The following VSIG8 variants were observed in gnomAD, a reference collection of about 807,000 sequenced individuals.
The protein encoded by VSIG8 is V-set and immunoglobulin domain containing 8.
In VSIG8, 32 loss-of-function variants were observed where a neutral mutation model predicts 42.6. That is an observed-to-expected ratio of 0.75 (90% CI 0.57 to 1.01). The LOEUF is 1.01. Ranked by LOEUF, VSIG8 falls within the 50% of genes least tolerant of loss-of-function variation. VSIG8 has a pLI of 0.00. For synonymous variants in VSIG8, 290 were observed against 243.8 expected, an observed-to-expected ratio of 1.19 and a Z score of -1.77; for missense variants, 529 against 558.0, an observed-to-expected ratio of 0.95 and a Z score of 0.52.
rs771347923 is a variant in VSIG8, at chr1:159,862,563, C to T, written c.-42G>A. 4.4e-5 allele frequency: 66 copies of T among 1,509,404 alleles called. No homozygotes were observed. The highest frequency in any genetic ancestry group is 1.8e-4 in the Middle Eastern group (1 of 5,648). The allele number at this position is 1,509,404 out of a possible 1,614,324, so 93.5% of individuals were successfully genotyped here. ...TTTCCTCCGTCTGGGCTGGGTATCC[C>T]GTGGGGTCGTAGTGGTGGGTGTGAG... is the stretch of plus-strand genomic sequence containing the variant. On this transcript the variant is annotated 5_prime_UTR_variant, in exon 1 of 7. Transcript: ENST00000368100.
At position 159,854,960 on chromosome 1, in the gene VSIG8, C is replaced by T. The variant is rs1304664801; in HGVS notation, c.1038G>A (p.Gly346=). Residue 346 remains glycine (G), a synonymous_variant, in exon 7 of 7, where the codon GGG becomes GGA. Coordinates refer to ENST00000368100, the MANE Select transcript of VSIG8 (RefSeq NM_001013661.1). ...GRGSRVTHLL[G]YPTQNVSRSL... ...AGCGGCTGACGTTCTGCGTCGGGTACCCCAGGAGGTGGGTGACGCGGCTGC... is the reference window on the plus strand; with the variant it reads ...AGCGGCTGACGTTCTGCGTCGGGTATCCCAGGAGGTGGGTGACGCGGCTGC... 1.3e-6 allele frequency: 2 copies of T among 1,545,478 alleles called. No homozygotes were observed. Among genetic ancestry groups the T allele is most frequent in the Non-Finnish European group, 1.7e-6 (2 of 1,153,006 alleles).
chr1:159,859,673 T>C (rs1571169298), intron 1 of VSIG8, among the ~76,000 whole-genome samples: 2 of 152,190 alleles, frequency 1.3e-5, no homozygotes, highest in Non-Finnish European at 2.9e-5. Context: ...TAGTGAGTGA[T>C]GGTGTGTGCC....
At position 159,862,527 on chromosome 1, in the gene VSIG8, T is replaced by C. The variant is rs1571171280; in HGVS notation, c.-6A>G. 10 of 1,612,678 alleles carry C rather than the reference T, an allele frequency of 6.2e-6. 1 individual carries two copies. The highest frequency in any genetic ancestry group is 3.3e-5 in the Admixed American group (2 of 59,910). Reference sequence around the variant, plus strand: ...AATGCTCCTCCAACTCTCATGTCTCTAGGCTCGGTGTTTCCTCCGTCTGGG... The same window carrying C: ...AATGCTCCTCCAACTCTCATGTCTCCAGGCTCGGTGTTTCCTCCGTCTGGG... On this transcript the variant is annotated 5_prime_UTR_variant, in exon 1 of 7. Coordinates refer to ENST00000368100, the MANE Select transcript of VSIG8 (RefSeq NM_001013661.1).
chr1:159,858,857 T>A lies in VSIG8; in HGVS notation c.105A>T (p.Ala35=), dbSNP rs1648930252. ...NGDGQEVLYL[A]EGDNVRLGCP... ...AGCCCAGCCTCACATTATCACCTTCTGCCAGGTACAGGACCTCCTGTCCAT... is the reference window on the plus strand; with the variant it reads ...AGCCCAGCCTCACATTATCACCTTCAGCCAGGTACAGGACCTCCTGTCCAT... Residue 35 remains alanine (A), a synonymous_variant, in exon 2 of 7, where the codon GCA becomes GCT. Transcript: ENST00000368100. The A allele has an allele frequency of 8.1e-6, 13 of 1,613,998 alleles. No individual in the cohort carries two copies. The highest frequency in any genetic ancestry group is 9.3e-6 in the Non-Finnish European group (11 of 1,179,990).
Position 159,857,744 on chromosome 1 carries a change from C to G in VSIG8, c.652+1G>C. 1 of 1,613,944 alleles carries G rather than the reference C, an allele frequency of 6.2e-7. No individual in the cohort carries two copies. Among genetic ancestry groups the G allele is most frequent in the Non-Finnish European group, 8.5e-7 (1 of 1,179,876 alleles). Reference sequence around the variant, plus strand: ...ACTGCCCTCATCCAGGGCCCTCTCACCTTGGTTTATGGAGCTGTGGAAGGA... The same window carrying G: ...ACTGCCCTCATCCAGGGCCCTCTCAGCTTGGTTTATGGAGCTGTGGAAGGA... On this transcript the variant is annotated splice_donor_variant, in intron 4 of 6. Transcript: ENST00000368100. LOFTEE classifies it high-confidence loss of function.
rs2101825170 is a variant in VSIG8 at position 159,854,434 on chromosome 1, G to T, written c.*319C>A. The T allele has an allele frequency of 5.3e-5, 15 of 283,846 alleles. No individual in the cohort carries two copies. The highest frequency in any genetic ancestry group is 8.1e-5 in the East Asian group (1 of 12,284). 17.6% of individuals were successfully genotyped at this position (283,846 alleles called of 1,614,324 possible). On this transcript the variant is annotated 3_prime_UTR_variant, in exon 7 of 7. Coordinates refer to ENST00000368100, the MANE Select transcript of VSIG8 (RefSeq NM_001013661.1). Reference sequence around the variant, plus strand: ...CCCGGCCCCCGGGGCCCTCTGCTTAGGCTGGGGACACCAGGCCTCCGGCCT... The same window carrying T: ...CCCGGCCCCCGGGGCCCTCTGCTTATGCTGGGGACACCAGGCCTCCGGCCT...
Position 159,854,828 on chromosome 1 carries a change from G to A in VSIG8, c.1170C>T (p.Tyr390=). 6.7e-7 allele frequency: 1 copy of A among 1,497,160 alleles called. No individual in the cohort carries two copies. Among genetic ancestry groups the A allele is most frequent in the East Asian group, 2.8e-5 (1 of 35,710 alleles). The allele number at this position is 1,497,160 out of a possible 1,614,324, so 92.7% of individuals were successfully genotyped here. A position where few individuals can be genotyped will look rare whatever the true frequency, so the allele number is the denominator to read the frequency against. The change falls in exon 7 of 7, where the codon TAC becomes TAT. Residue 390 remains tyrosine (Y), a synonymous_variant. Coordinates refer to ENST00000368100, the MANE Select transcript of VSIG8 (RefSeq NM_001013661.1). The part of the protein sequence containing the change: ...AACEAGPSPV[Y]VKVKSAEPAD... The stretch of plus-strand genomic sequence containing the variant: ...CCGGCTCCGCGCTCTTGACCTTGAC[G>A]TAGACCGGGGAGGGGCCCGCTTCGC...
intron 1 of VSIG8, among the ~76,000 whole-genome samples, chr1:159,859,793 T>C (rs536034974): frequency 6.6e-6 from 1 of 152,238 alleles, no homozygotes; most frequent in East Asian, 1.9e-4. Context: ...CGCATGCAGC[T>C]GCCCCCACAA....
intron 6 of VSIG8, chr1:159,855,364 A>AGCTAATCCT: frequency 2.8e-6 from 4 of 1,451,122 alleles, no homozygotes; most frequent in Non-Finnish European, 2.7e-6. Context: ...TTCTTTCCTT[A>AGCTAATCCT]GCTAATCCTG....
intron 2 of VSIG8, 136 bp downstream of exon 2, chr1:159,858,598 C>T: frequency 1.0e-6 from 1 of 968,012 alleles, no homozygotes; most frequent in Non-Finnish European, 1.5e-6. Context: ...TTGCAGAGCT[C>T]TCATCCCCAT....
chr1:159,854,932 G>C lies in VSIG8; in HGVS notation c.1066C>G (p.Leu356Val), dbSNP rs1181955260. The C allele has an allele frequency of 6.6e-7, 1 of 1,513,010 alleles. No homozygotes were observed. Among genetic ancestry groups the C allele is most frequent in the South Asian group, 1.2e-5 (1 of 81,348 alleles). 93.7% of individuals were successfully genotyped at this position (1,513,010 alleles called of 1,614,324 possible). A position where few individuals can be genotyped will look rare whatever the true frequency, so the allele number is the denominator to read the frequency against. Residue 356 changes from leucine to valine, a missense_variant, in exon 7 of 7, where the codon CTG (leucine) becomes GTG (valine). Transcript: ENST00000368100. Reference sequence around the variant, plus strand: ...GGGGGAGGCGCGTACTTGCGGCGCAGGGAGCGGCTGACGTTCTGCGTCGGG... The same window carrying C: ...GGGGGAGGCGCGTACTTGCGGCGCACGGAGCGGCTGACGTTCTGCGTCGGG... ...GYPTQNVSRS[L>V]RRKYAPPPCG...
intron 4 of VSIG8, 142 bp from the exon 5 acceptor site, chr1:159,856,785 A>ACG: frequency 9.4e-7 from 1 of 1,062,936 alleles, no homozygotes; most frequent in Admixed American, 2.8e-5. Flanking sequence ...ACACACACAC[A>ACG]CACACTCCAC....
chr1:159,860,454 C>T (rs142661379), intron 1 of VSIG8, among the ~76,000 whole-genome samples: 2 of 152,322 alleles, frequency 1.3e-5, no homozygotes, highest in East Asian at 1.9e-4. Flanking sequence ...GCCAGGAAGG[C>T]TTAGCCTGGC....
rs1438367639 is a variant in VSIG8 at position 159,856,634 on chromosome 1, T to C, written c.662A>G (p.Asn221Ser). ...FHSSINQGLN[N>S]GDLVLKDISR... ...GATATCCTTCAACACCAGGTCCCCATTGTTCAGGCCTGAAAGTGAAGTGGA... is the reference window on the plus strand; with the variant it reads ...GATATCCTTCAACACCAGGTCCCCACTGTTCAGGCCTGAAAGTGAAGTGGA... Residue 221 changes from asparagine to serine, a missense_variant, in exon 5 of 7, where the codon AAT becomes AGT. By Grantham distance (46) the Asn-to-Ser change is conservative. Coordinates refer to ENST00000368100, the MANE Select transcript of VSIG8 (RefSeq NM_001013661.1). The C allele has an allele frequency of 2.5e-6, 4 of 1,613,906 alleles. No individual in the cohort carries two copies. Among genetic ancestry groups the C allele is most frequent in the Non-Finnish European group, 3.4e-6 (4 of 1,179,958 alleles).
At chr1:159,859,695 C>T (rs1250194138) in intron 1 of VSIG8, among the ~76,000 whole-genome samples, 1 of 152,164 alleles carries the variant, frequency 6.6e-6, no homozygotes. Flanking sequence ...GGGACTATGG[C>T]CACAGGTATC....
chr1:159,855,788 TG>T, intron 6 of VSIG8, 94 bp downstream of exon 6: 4 of 1,329,592 alleles, frequency 3.0e-6, no homozygotes, highest in East Asian at 2.8e-5. Flanking sequence ...AGGGTTGGGG[TG>T]GGGGGCCCAG....
Position 159,855,896 on chromosome 1 carries a change from C to A in VSIG8, c.958G>T (p.Ala320Ser), listed in dbSNP as rs749664352. ...GVGGGACGDL[A>S]SEIREDAVAP... ...ATCAGGTTTTACCTGATCTCACTAGCCAAGTCGCCGCAGGCCCCTCCGCCG... is the reference window on the plus strand; with the variant it reads ...ATCAGGTTTTACCTGATCTCACTAGACAAGTCGCCGCAGGCCCCTCCGCCG... The change falls in exon 6 of 7, where the codon GCT becomes TCT. Residue 320 changes from alanine (A) to serine (S), a missense_variant. By Grantham distance (99) the Ala-to-Ser change is moderately conservative. Transcript: ENST00000368100. 2 of 1,554,220 alleles carry A rather than the reference C, an allele frequency of 1.3e-6. No homozygotes were observed. Among genetic ancestry groups the A allele is most frequent in the Non-Finnish European group, 1.7e-6 (2 of 1,154,820 alleles).
rs896611348 is a variant in VSIG8, at chr1:159,862,386, C to T, written c.49+87G>A. On this transcript the variant is annotated intron_variant, in intron 1 of 6. Transcript: ENST00000368100. ...GCACCCTGCCAGGCAACTCAGGCAG[C>T]CCCAGGCTCCACTGTGAGCCCTTGC... 6.2e-6 allele frequency: 9 copies of T among 1,447,274 alleles called. No homozygotes were observed. The African/African-American group carries it at 7.1e-5, about 11-fold the overall frequency. The allele number at this position is 1,447,274 out of a possible 1,614,324, so 89.7% of individuals were successfully genotyped here. A position where few individuals can be genotyped will look rare whatever the true frequency, so the allele number is the denominator to read the frequency against.
Position 159,862,595 on chromosome 1 carries a change from G to A in VSIG8, c.-74C>T, listed in dbSNP as rs1366414702. On this transcript the variant is annotated 5_prime_UTR_variant, in exon 1 of 7. Coordinates refer to ENST00000368100, the MANE Select transcript of VSIG8 (RefSeq NM_001013661.1). ...TCGTAGTGGTGGGTGTGAGGGGGTA[G>A]GTGGAGGGAGGGGGAGCTGAGGGCC... is the stretch of plus-strand genomic sequence containing the variant. 2 of 1,432,858 alleles carry A rather than the reference G, an allele frequency of 1.4e-6. No homozygotes were observed. The highest frequency in any genetic ancestry group is 1.9e-6 in the Non-Finnish European group (2 of 1,034,784). The allele number at this position is 1,432,858 out of a possible 1,614,324, so 88.8% of individuals were successfully genotyped here. A position where few individuals can be genotyped will look rare whatever the true frequency, so the allele number is the denominator to read the frequency against.
Sources: allele counts gnomAD v4.1 joint callset (sites outside exome capture counted in the v4.1 genomes callset), GRCh38; gene constraint gnomAD v4.1.1; transcripts MANE v1.5; gene names NCBI Gene and HGNC (gene_info 2026-07-23, HGNC 2026-07-21).